The following SNAP91 variants were observed in gnomAD, a reference collection of about 807,000 sequenced individuals.
SNAP91 encodes the protein synaptosome associated protein 91, also known as clathrin coat assembly protein AP180.
In SNAP91, 27 loss-of-function variants were observed where a neutral mutation model predicts 100.3. That is an observed-to-expected ratio of 0.27 (90% CI 0.20 to 0.37). The LOEUF (loss-of-function observed/expected upper bound fraction) is 0.37, where lower values mean the gene tolerates loss of function less well. Among genes scored for constraint, SNAP91 ranks in the 10% least tolerant of loss-of-function variants. The pLI is 1.00. For missense variants in SNAP91, 986 were observed against 1,123.7 expected (o/e 0.88, Z 1.75); for synonymous variants, 404 against 398.6 (o/e 1.01, Z -0.16).
At chr6:83,575,966 C>T in intron 25 of SNAP91, 57 bp downstream of exon 25, 2 of 941,454 alleles carry the variant, frequency 2.1e-6, no homozygotes, top group Non-Finnish European at 3.2e-6. Context: ...GGTTGATAGT[C>T]TCAAATGAAT....
intron 2 of SNAP91, among the ~76,000 whole-genome samples, chr6:83,697,579 C>T (rs1401168153): frequency 1.3e-5 from 2 of 151,992 alleles, no homozygotes; most frequent in East Asian, 3.9e-4. Flanking sequence ...CAGATTAAAT[C>T]GTTGTCAGAT....
chr6:83,645,783 C>T (rs2097893097), intron 7 of SNAP91, among the ~76,000 whole-genome samples: 1 of 152,048 alleles, frequency 6.6e-6, no homozygotes, highest in Non-Finnish European at 1.5e-5. Context: ...CCCAGGAGGT[C>T]AAGGCTGCAG....
intron 3 of SNAP91, among the ~76,000 whole-genome samples, chr6:83,664,111 T>A (rs1322607881): frequency 1.3e-5 from 2 of 152,082 alleles, no homozygotes; most frequent in African/African-American, 4.8e-5. Flanking sequence ...AAAAAAAGAT[T>A]CCTTTCAAAA....
intron 2 of SNAP91, among the ~76,000 whole-genome samples, chr6:83,689,160 A>G (rs1229051528): frequency 2.6e-5 from 4 of 152,176 alleles, no homozygotes; most frequent in Non-Finnish European, 4.4e-5. Flanking sequence ...TTAGGGACAA[A>G]GACATTTAGG....
At chr6:83,627,534 G>C (rs2096990034) in intron 8 of SNAP91, among the ~76,000 whole-genome samples, 1 of 151,948 alleles carries the variant, frequency 6.6e-6, no homozygotes, top group Non-Finnish European at 1.5e-5. Flanking sequence ...TGCAGAACTT[G>C]AAAGACCAAT....
intron 7 of SNAP91, among the ~76,000 whole-genome samples, chr6:83,646,790 T>C (rs1000423343): frequency 8.5e-5 from 13 of 152,204 alleles, no homozygotes; most frequent in Non-Finnish European, 1.8e-4. Flanking sequence ...AGAACTGACA[T>C]ATTCACAGTA....
At chr6:83,653,692 G>T (rs1341955057) in intron 7 of SNAP91, among the ~76,000 whole-genome samples, 1 of 152,136 alleles carries the variant, frequency 6.6e-6, no homozygotes, top group Non-Finnish European at 1.5e-5. Flanking sequence ...AGCTGTACAT[G>T]ATGTACCAGG....
chr6:83,688,929 C>T (rs1026086988), intron 2 of SNAP91, among the ~76,000 whole-genome samples: 4 of 152,222 alleles, frequency 2.6e-5, no homozygotes, highest in African/African-American at 9.6e-5. Flanking sequence ...AAGGCTCCCA[C>T]TAGAGGCTGC....
At chr6:83,606,421 T>TTC (rs10631301) in intron 13 of SNAP91, among the ~76,000 whole-genome samples, 6,756 of 152,268 alleles carry the variant, frequency 0.044, 493 homozygotes, top group African/African-American at 0.15. Context: ...TTTTCAAAGC[T>TTC]TCTCTGTCTG....
At chr6:83,597,931 C>T (rs1331644050) in intron 16 of SNAP91, among the ~76,000 whole-genome samples, 4 of 152,156 alleles carry the variant, frequency 2.6e-5, no homozygotes, top group African/African-American at 9.7e-5. Flanking sequence ...AACATGTACC[C>T]AATGTGATCA....
At position 83,703,814 on chromosome 6, in the gene SNAP91, A is replaced by G. The variant is rs565884806; in HGVS notation, c.130+3984T>C. ...GAAAAAATAGGATTACTGAAAACCA[A>G]ATTGGCTTTTCATAAGGTTTGTTTT... On this transcript the variant is annotated intron_variant, in intron 2 of 29. Transcript: ENST00000369694. 7.2e-5 allele frequency among the ~76,000 whole-genome samples: 11 copies of G among 152,296 alleles called. No individual in the cohort carries two copies. The East Asian group carries it at 1.7e-3, about 24-fold the overall frequency.
At chr6:83,616,217 G>T (rs1257479067) in intron 10 of SNAP91, among the ~76,000 whole-genome samples, 2 of 152,104 alleles carry the variant, frequency 1.3e-5, no homozygotes, top group Non-Finnish European at 2.9e-5. Flanking sequence ...GATTTACAAA[G>T]CAGGACAAGG....
intron 7 of SNAP91, among the ~76,000 whole-genome samples, chr6:83,643,179 A>C (rs1238925558): frequency 6.6e-6 from 1 of 152,050 alleles, no homozygotes; most frequent in Non-Finnish European, 1.5e-5. Context: ...GCTGTGCAGA[A>C]GCTCTTTAGT....
chr6:83,562,393 C>T (rs1360261268), intron 26 of SNAP91, among the ~76,000 whole-genome samples: 1 of 152,036 alleles, frequency 6.6e-6, no homozygotes, highest in Non-Finnish European at 1.5e-5. Flanking sequence ...TTAACCAATG[C>T]AATACACCAT....
At chr6:83,588,757 A>C (rs1414651295) in intron 22 of SNAP91, among the ~76,000 whole-genome samples, 1 of 152,186 alleles carries the variant, frequency 6.6e-6, no homozygotes, top group African/African-American at 2.4e-5. Context: ...TTTCAGCTCC[A>C]GTTTCTAGTG....
chr6:83,584,486 GAATA>G (rs903191497), intron 22 of SNAP91, among the ~76,000 whole-genome samples: 2 of 151,684 alleles, frequency 1.3e-5, no homozygotes, highest in African/African-American at 4.8e-5. Context: ...ATCTATAGGT[GAATA>G]AATAAAGCTG....
At chr6:83,681,763 C>T (rs2098992936) in intron 2 of SNAP91, among the ~76,000 whole-genome samples, 1 of 152,152 alleles carries the variant, frequency 6.6e-6, no homozygotes, top group Non-Finnish European at 1.5e-5. Flanking sequence ...AATATCAACT[C>T]TGGACATAAT....
At chr6:83,694,417 G>GA (rs2099168503) in intron 2 of SNAP91, among the ~76,000 whole-genome samples, 1 of 152,174 alleles carries the variant, frequency 6.6e-6, no homozygotes, top group Admixed American at 6.5e-5. Flanking sequence ...GGCAGACCAT[G>GA]ATACGAGCAA....
chr6:83,631,475 A>G (rs2097201552), intron 8 of SNAP91, among the ~76,000 whole-genome samples: 1 of 151,640 alleles, frequency 6.6e-6, no homozygotes, highest in African/African-American at 2.4e-5. Context: ...TTGCTATCTC[A>G]TTTCTTAGGT....
Sources: gnomAD v4.1 joint callset for allele counts (sites outside exome capture counted in the v4.1 genomes callset) on GRCh38, gnomAD v4.1.1 for gene constraint, MANE v1.5 for transcripts, NCBI Gene and HGNC (gene_info 2026-07-23, HGNC 2026-07-21) for gene names.